Variants in UNC5C observed in about 807,000 individuals in gnomAD.
UNC5C encodes unc-5 netrin receptor C.
UNC5C carries 47 observed loss-of-function variants against 99.8 expected under a neutral mutation model. That is an observed-to-expected ratio of 0.47 (90% CI 0.37 to 0.60). UNC5C has a LOEUF of 0.60. Among genes scored for constraint, UNC5C ranks in the 20% least tolerant of loss-of-function variants. The pLI is 0.00. For synonymous variants in UNC5C, 487 were observed against 452.2 expected, an observed-to-expected ratio of 1.08 and a Z score of -0.98; for missense variants, 1,062 against 1,165.9, an observed-to-expected ratio of 0.91 and a Z score of 1.30.
chr4:95,276,069 G>A (rs1740848879), intron 4 of UNC5C, among the ~76,000 whole-genome samples: 1 of 152,116 alleles, frequency 6.6e-6, no homozygotes, highest in African/African-American at 2.4e-5. Flanking sequence ...AAGGAAAATG[G>A]TCGTATAATC....
At chr4:95,289,768 C>T (rs1430480778) in intron 3 of UNC5C, among the ~76,000 whole-genome samples, 2 of 152,082 alleles carry the variant, frequency 1.3e-5, no homozygotes, top group African/African-American at 2.4e-5. Context: ...CAGGAAATAA[C>T]TGCTGTGAAC....
intron 1 of UNC5C, among the ~76,000 whole-genome samples, chr4:95,415,187 G>A (rs1363678146): frequency 6.6e-6 from 1 of 151,998 alleles, no homozygotes; most frequent in Non-Finnish European, 1.5e-5. Context: ...TAAAATTCTA[G>A]GCATGCAAAA....
At chr4:95,368,242 C>A (rs1192988968) in intron 1 of UNC5C, among the ~76,000 whole-genome samples, 3 of 146,784 alleles carry the variant, frequency 2.0e-5, no homozygotes, top group African/African-American at 7.7e-5. Context: ...AGTCTATGTG[C>A]TTTTCCTGTC....
chr4:95,366,011 A>G (rs1266806319), intron 1 of UNC5C, among the ~76,000 whole-genome samples: 1 of 152,106 alleles, frequency 6.6e-6, no homozygotes, highest in Non-Finnish European at 1.5e-5. Flanking sequence ...GAGAAATTAA[A>G]TTTGGTTCAG....
At chr4:95,278,465 T>TTTTTCTTTC (rs1740940123) in intron 3 of UNC5C, 103 bp from the exon 4 acceptor site, 4 of 833,184 alleles carry the variant, frequency 4.8e-6, no homozygotes, top group Non-Finnish European at 5.7e-6. Context: ...TCTGTGCTTT[T>TTTTTCTTTC]TTTTCTTTCT....
intron 1 of UNC5C, among the ~76,000 whole-genome samples, chr4:95,436,576 G>T (rs933629124): frequency 6.6e-6 from 1 of 151,706 alleles, no homozygotes; most frequent in Non-Finnish European, 1.5e-5. Context: ...TGTAAAGACT[G>T]GTCACTCAAC....
At chr4:95,186,591 A>G (rs1245117046) in intron 12 of UNC5C, among the ~76,000 whole-genome samples, 1 of 152,192 alleles carries the variant, frequency 6.6e-6, no homozygotes, top group Non-Finnish European at 1.5e-5. Flanking sequence ...ACTATTCTGA[A>G]CCATGCAAGC....
At chr4:95,261,365 G>A (rs564493057) in intron 4 of UNC5C, among the ~76,000 whole-genome samples, 2 of 152,204 alleles carry the variant, frequency 1.3e-5, no homozygotes, top group South Asian at 2.1e-4. Flanking sequence ...TTGATTTTAG[G>A]GGCATCAGGA....
chr4:95,317,791 G>A (rs571581737), intron 2 of UNC5C, among the ~76,000 whole-genome samples: 1 of 152,226 alleles, frequency 6.6e-6, no homozygotes, highest in South Asian at 2.1e-4. Context: ...CCGACCAAAT[G>A]AGGAAAAACA....
chr4:95,439,083 G>A (rs979697969), intron 1 of UNC5C, among the ~76,000 whole-genome samples: 2 of 152,050 alleles, frequency 1.3e-5, no homozygotes, highest in Non-Finnish European at 1.5e-5. Flanking sequence ...TTTCTACCCT[G>A]TCATGTAGCA....
intron 4 of UNC5C, among the ~76,000 whole-genome samples, chr4:95,273,599 G>C (rs1171499261): frequency 1.3e-5 from 2 of 152,130 alleles, no homozygotes; most frequent in Non-Finnish European, 2.9e-5. Flanking sequence ...TGAAAGAAAG[G>C]CAAATGCCTC....
chr4:95,293,534 G>T (rs1304919972), intron 3 of UNC5C, among the ~76,000 whole-genome samples: 2 of 151,792 alleles, frequency 1.3e-5, no homozygotes, highest in Non-Finnish European at 2.9e-5. Flanking sequence ...TGCCCAGGCT[G>T]GTCTCAAACC....
At chr4:95,172,766 A>G (rs1041382231) in intron 14 of UNC5C, among the ~76,000 whole-genome samples, 4 of 151,968 alleles carry the variant, frequency 2.6e-5, no homozygotes, top group Admixed American at 6.5e-5. Flanking sequence ...GTTTTTTCCA[A>G]TTCTGTGAAG....
chr4:95,469,998 A>G (rs1242338898), intron 1 of UNC5C, among the ~76,000 whole-genome samples: 1 of 152,138 alleles, frequency 6.6e-6, no homozygotes, highest in East Asian at 1.9e-4. Flanking sequence ...TTATGCAGCT[A>G]TTATTTAATA....
chr4:95,322,026 C>A (rs1207914006), intron 2 of UNC5C, among the ~76,000 whole-genome samples: 3 of 152,290 alleles, frequency 2.0e-5, no homozygotes, highest in African/African-American at 4.8e-5. Flanking sequence ...TCTTCATTGG[C>A]AGACAACTGT....
At chr4:95,342,806 A>T (rs1238209996) in intron 1 of UNC5C, among the ~76,000 whole-genome samples, 1 of 151,050 alleles carries the variant, frequency 6.6e-6, no homozygotes, top group Admixed American at 6.6e-5. Flanking sequence ...ACTGCCCTGA[A>T]GGAAGAGTCA....
At chr4:95,348,531 G>A (rs575865151) in intron 1 of UNC5C, among the ~76,000 whole-genome samples, 17 of 150,920 alleles carry the variant, frequency 1.1e-4, no homozygotes, top group East Asian at 4.0e-4. Flanking sequence ...ACAGATGAAC[G>A]GATAAAGAAA....
At chr4:95,442,306 G>C (rs543005440) in intron 1 of UNC5C, among the ~76,000 whole-genome samples, 1 of 151,304 alleles carries the variant, frequency 6.6e-6, no homozygotes, top group Non-Finnish European at 1.5e-5. Flanking sequence ...GGGCTCAAGT[G>C]ATCCTCTCAC....
At chr4:95,394,594 G>A (rs6855632) in intron 1 of UNC5C, among the ~76,000 whole-genome samples, 15,550 of 151,786 alleles carry the variant, frequency 0.1, 1,349 homozygotes, top group African/African-American at 0.23. Flanking sequence ...CATAAAGCAA[G>A]AAAGGTGACA....
Sources: gnomAD v4.1 joint callset for allele counts (sites outside exome capture counted in the v4.1 genomes callset) on GRCh38, gnomAD v4.1.1 for gene constraint, MANE v1.5 for transcripts, NCBI Gene and HGNC (gene_info 2026-07-23, HGNC 2026-07-21) for gene names.